DSCAM: variants seen among roughly 807,000 people sequenced by gnomAD.
The protein encoded by DSCAM is DS cell adhesion molecule, also known as cell adhesion molecule DSCAM.
DSCAM carries 47 observed loss-of-function variants against 217.7 expected under a neutral mutation model. The ratio of observed to expected loss-of-function variants is 0.22; its 90% CI spans 0.17 to 0.28. DSCAM has a LOEUF of 0.28. Among genes scored for constraint, DSCAM ranks in the 10% least tolerant of loss-of-function variants. DSCAM has a pLI of 1.00. For missense variants in DSCAM, 2,080 were observed against 2,618.3 expected, an observed-to-expected ratio of 0.79 and a Z score of 4.49; for synonymous variants, 1,056 against 1,015.3, an observed-to-expected ratio of 1.04 and a Z score of -0.76.
At chr21:40,348,003 C>T (rs1042224512) in intron 5 of DSCAM, 58 bp from the exon 6 acceptor site, 132 of 1,534,636 alleles carry the variant, frequency 8.6e-5, no homozygotes, top group Non-Finnish European at 1.0e-4. Flanking sequence ...GATAGCATTT[C>T]GACAACAGGC....
chr21:40,694,984 CAG>C (rs755264642), intron 2 of DSCAM, among the ~76,000 whole-genome samples: 16 of 152,228 alleles, frequency 1.1e-4, no homozygotes, highest in African/African-American at 3.1e-4. Context: ...GACTGGTCAA[CAG>C]AGAGAGTCTA....
At chr21:40,537,317 G>C (rs2146123953) in intron 3 of DSCAM, among the ~76,000 whole-genome samples, 1 of 152,298 alleles carries the variant, frequency 6.6e-6, no homozygotes, top group Admixed American at 6.5e-5. Context: ...ACAGCAGGCT[G>C]ATTTATGACA....
intron 3 of DSCAM, among the ~76,000 whole-genome samples, chr21:40,446,937 A>G (rs138892554): frequency 2.0e-5 from 3 of 152,312 alleles, no homozygotes; most frequent in Admixed American, 2.0e-4. Context: ...AAATAGAGAC[A>G]GGATTGAGTG....
rs1365730685 is a variant in DSCAM at position 40,085,757 on chromosome 21, G to A, written c.3977C>T (p.Thr1326Ile). ...CCCATCAATCGTTACTAGACTGGGT[G>A]TCCCGTTACTGCCTCACAGGAAGAA... is the stretch of plus-strand genomic sequence containing the variant. Reference protein sequence around the residue: ...AVKWMKDSNGTPSLVTIDGRR... With the variant: ...AVKWMKDSNGIPSLVTIDGRR... Residue 1326 changes from threonine (T) to isoleucine (I), a missense_variant, in exon 23 of 33, where the codon ACA becomes ATA. Transcript: ENST00000400454. 4 of 1,505,846 alleles carry A rather than the reference G, an allele frequency of 2.7e-6. No individual in the cohort carries two copies. Among genetic ancestry groups the A allele is most frequent in the South Asian group, 1.3e-5 (1 of 74,380 alleles). The allele number at this position is 1,505,846 out of a possible 1,614,324, so 93.3% of individuals were successfully genotyped here. A position where few individuals can be genotyped will look rare whatever the true frequency, so the allele number is the denominator to read the frequency against.
At chr21:40,234,330 T>C (rs979423137) in intron 11 of DSCAM, among the ~76,000 whole-genome samples, 1 of 152,242 alleles carries the variant, frequency 6.6e-6, no homozygotes, top group Non-Finnish European at 1.5e-5. Context: ...TTAACATCTC[T>C]GAGCCACACA....
intron 2 of DSCAM, among the ~76,000 whole-genome samples, chr21:40,696,330 C>T (rs1568989779): frequency 6.6e-6 from 1 of 152,078 alleles, no homozygotes; most frequent in African/African-American, 2.4e-5. Context: ...TGGGTTCAAG[C>T]GACTGAGCAA....
intron 3 of DSCAM, among the ~76,000 whole-genome samples, chr21:40,530,751 T>C (rs1446730044): frequency 6.6e-6 from 1 of 152,066 alleles, no homozygotes; most frequent in Non-Finnish European, 1.5e-5. Flanking sequence ...GAGCCACAGT[T>C]TCCACCACCC....
At chr21:40,098,565 GA>G (rs1226499829) in intron 20 of DSCAM, among the ~76,000 whole-genome samples, 1 of 152,200 alleles carries the variant, frequency 6.6e-6, no homozygotes, top group African/African-American at 2.4e-5. Context: ...ACCAAAACAA[GA>G]AGGACTTACT....
At chr21:40,017,682 G>A (rs549159023) in intron 32 of DSCAM, among the ~76,000 whole-genome samples, 62 of 152,072 alleles carry the variant, frequency 4.1e-4, no homozygotes, top group Admixed American at 9.8e-4. Context: ...CTCCTGAGTA[G>A]CTGGGATTAC....
chr21:40,423,189 G>A (rs2075441034), intron 3 of DSCAM, among the ~76,000 whole-genome samples: 1 of 152,222 alleles, frequency 6.6e-6, no homozygotes, highest in Non-Finnish European at 1.5e-5. Flanking sequence ...TTGCCAGGCA[G>A]TGGCATATGC....
chr21:40,838,392 C>T (rs1262186692), intron 1 of DSCAM, among the ~76,000 whole-genome samples: 1 of 152,208 alleles, frequency 6.6e-6, no homozygotes, highest in Non-Finnish European at 1.5e-5. Flanking sequence ...GACCCATTCA[C>T]GCTGGTCCTA....
intron 11 of DSCAM, among the ~76,000 whole-genome samples, chr21:40,250,418 G>A (rs1287635205): frequency 6.6e-6 from 1 of 152,218 alleles, no homozygotes; most frequent in African/African-American, 2.4e-5. Context: ...TATGTGGTAA[G>A]CTGCAGATAA....
chr21:40,326,537 C>A (rs1601553570), intron 8 of DSCAM, among the ~76,000 whole-genome samples: 1 of 152,212 alleles, frequency 6.6e-6, no homozygotes, highest in East Asian at 1.9e-4. Context: ...CGACTGGGAG[C>A]TTTATGTGGA....
intron 27 of DSCAM, among the ~76,000 whole-genome samples, chr21:40,067,174 G>A (rs1023785333): frequency 6.6e-6 from 1 of 152,108 alleles, no homozygotes; most frequent in Admixed American, 6.5e-5. Flanking sequence ...AGTATCTCAT[G>A]TAAAAATAAT....
chr21:40,821,137 C>CATATATAGATATATATATCTTCACAT (rs2091922966), intron 1 of DSCAM, among the ~76,000 whole-genome samples: 5 of 138,266 alleles, frequency 3.6e-5, no homozygotes, highest in African/African-American at 1.1e-4. Flanking sequence ...TATATCTTCA[C>CATATATAGATATATATATCTTCACAT]ATATATATAT....
chr21:40,477,632 T>C (rs2075948631), intron 3 of DSCAM, among the ~76,000 whole-genome samples: 1 of 152,138 alleles, frequency 6.6e-6, no homozygotes, highest in South Asian at 2.1e-4. Flanking sequence ...CCCATACTAC[T>C]TGAGGAACTG....
chr21:40,324,123 A>G lies in DSCAM; in HGVS notation c.1784-11764T>C, dbSNP rs1157371701. Among the ~76,000 whole-genome samples the G allele has an allele frequency of 1.7e-3, 239 of 141,712 alleles. 4 individuals are homozygous for G. Among genetic ancestry groups the G allele is most frequent in the African/African-American group, 6.3e-3 (225 of 35,526 alleles). The allele number at this position is 141,712 out of a possible 152,430, so 93.0% of individuals were successfully genotyped here. ...TGTCTCAAAAAAAAAAAAAAAAAAAAAAAAAAAAGAAAAAAAAAAGAGAGA... is the reference window on the plus strand; with the variant it reads ...TGTCTCAAAAAAAAAAAAAAAAAAAGAAAAAAAAGAAAAAAAAAAGAGAGA... On this transcript the variant is annotated intron_variant, in intron 8 of 32. Coordinates refer to ENST00000400454, the MANE Select transcript of DSCAM (RefSeq NM_001389.5).
chr21:40,475,821 ACT>A (rs2075929613), intron 3 of DSCAM, among the ~76,000 whole-genome samples: 1 of 150,728 alleles, frequency 6.6e-6, no homozygotes, highest in South Asian at 2.1e-4. Flanking sequence ...ACAGAGTAAG[ACT>A]CTGTCTTAAA....
At chr21:40,223,760 G>A (rs186824490) in intron 11 of DSCAM, among the ~76,000 whole-genome samples, 1 of 152,330 alleles carries the variant, frequency 6.6e-6, no homozygotes, top group East Asian at 1.9e-4. Flanking sequence ...CACTTATGAA[G>A]GTTAGAATGG....
Sources: allele counts gnomAD v4.1 joint callset (sites outside exome capture counted in the v4.1 genomes callset), GRCh38; gene constraint gnomAD v4.1.1; transcripts MANE v1.5; gene names NCBI Gene and HGNC (gene_info 2026-07-23, HGNC 2026-07-21).